Variants in STXBP5L observed in about 807,000 individuals in gnomAD.
STXBP5L encodes the protein syntaxin-binding protein 5-like.
Under a neutral mutation model 144.5 loss-of-function variants are expected in STXBP5L, and 65 were observed. That is an observed-to-expected ratio of 0.45 (90% CI 0.37 to 0.55). The LOEUF (loss-of-function observed/expected upper bound fraction) is 0.55. STXBP5L is among the 20% of genes least tolerant of loss of function. The probability of loss-of-function intolerance (pLI) is 0.00; values close to 1 mark genes in which losing one functional copy is unlikely to be tolerated. For missense variants in STXBP5L, 1,298 were observed against 1,405.5 expected (o/e 0.92, Z 1.22); for synonymous variants, 505 against 469.6 (o/e 1.08, Z -0.97).
chr3:121,374,885 G>T (rs2046137321), intron 20 of STXBP5L, among the ~76,000 whole-genome samples: 1 of 151,970 alleles, frequency 6.6e-6, no homozygotes, highest in Non-Finnish European at 1.5e-5. Flanking sequence ...AATTTTAGAA[G>T]TTGCAGAAAG....
chr3:120,959,883 ACAAAAG>A (rs1481002326), intron 3 of STXBP5L, among the ~76,000 whole-genome samples: 2 of 152,208 alleles, frequency 1.3e-5, no homozygotes, highest in Admixed American at 6.5e-5. Context: ...AGCAATGGCA[ACAAAAG>A]CCAAAATTGA....
At chr3:121,198,659 G>A (rs934181954) in intron 9 of STXBP5L, among the ~76,000 whole-genome samples, 4 of 152,138 alleles carry the variant, frequency 2.6e-5, no homozygotes, top group Admixed American at 6.6e-5. Context: ...GCTAATTTTT[G>A]TATAAGGTGT....
At chr3:121,279,997 C>A in intron 19 of STXBP5L, 41 bp downstream of exon 19, 2 of 1,585,626 alleles carry the variant, frequency 1.3e-6, no homozygotes, top group South Asian at 2.3e-5. Flanking sequence ...TTGATTTGGT[C>A]ATCTGTGTTC....
At chr3:121,151,126 A>G (rs552585668) in intron 7 of STXBP5L, among the ~76,000 whole-genome samples, 28 of 152,002 alleles carry the variant, frequency 1.8e-4, no homozygotes, top group Non-Finnish European at 3.8e-4. Context: ...AATTGGTTTC[A>G]TCGTTCATCA....
chr3:121,018,036 G>A (rs9833950), intron 3 of STXBP5L, among the ~76,000 whole-genome samples: 15,101 of 152,136 alleles, frequency 0.099, 1,183 homozygotes, highest in Admixed American at 0.2. Context: ...CCACGATCAC[G>A]CCACTGCACT....
chr3:120,983,817 C>G (rs1266139236), intron 3 of STXBP5L, among the ~76,000 whole-genome samples: 1 of 152,166 alleles, frequency 6.6e-6, no homozygotes, highest in African/African-American at 2.4e-5. Context: ...CTTGTCACTT[C>G]TCTGTTGAAT....
Position 121,424,216 on chromosome 3 carries a change from A to C in STXBP5L, c.*5119A>C, listed in dbSNP as rs529348753. On this transcript the variant is annotated 3_prime_UTR_variant, in exon 27 of 27. Coordinates refer to ENST00000471454, the MANE Select transcript of STXBP5L (RefSeq NM_001308330.2). ...GACTTGGTCTTAGCAAAAAGGAAGA[A>C]CAAATCTTCCTTTTTGATTGTTATC... 1 of 152,310 alleles carries C rather than the reference A, an allele frequency of 6.6e-6. No individual in the cohort carries two copies. The highest frequency in any genetic ancestry group is 1.5e-5 in the Non-Finnish European group (1 of 68,022). 9.4% of individuals were successfully genotyped at this position (152,310 alleles called of 1,614,324 possible). A position where few individuals can be genotyped will look rare whatever the true frequency, so the allele number is the denominator to read the frequency against.
chr3:120,957,463 T>G (rs1474597560), intron 3 of STXBP5L, among the ~76,000 whole-genome samples: 1 of 152,032 alleles, frequency 6.6e-6, no homozygotes, highest in Non-Finnish European at 1.5e-5. Context: ...TTGTTGAGGA[T>G]TTTTGCATCT....
At chr3:121,103,653 AT>A (rs2043546294) in intron 5 of STXBP5L, among the ~76,000 whole-genome samples, 1 of 152,180 alleles carries the variant, frequency 6.6e-6, no homozygotes, top group Non-Finnish European at 1.5e-5. Flanking sequence ...AGTTGAAATT[AT>A]TTTTAAAAAC....
At chr3:120,999,934 G>A (rs976908045) in intron 3 of STXBP5L, among the ~76,000 whole-genome samples, 1 of 151,950 alleles carries the variant, frequency 6.6e-6, no homozygotes, top group South Asian at 2.1e-4. Context: ...TTGAATATAG[G>A]CCCCCAGTCT....
chr3:121,386,519 A>G (rs1403261304), intron 22 of STXBP5L, among the ~76,000 whole-genome samples: 1 of 152,134 alleles, frequency 6.6e-6, no homozygotes, highest in African/African-American at 2.4e-5. Flanking sequence ...CATCATTTAC[A>G]TTAGGTATTT....
intron 3 of STXBP5L, among the ~76,000 whole-genome samples, chr3:120,978,958 G>A (rs1411061255): frequency 2.0e-5 from 3 of 152,252 alleles, no homozygotes; most frequent in East Asian, 3.9e-4. Flanking sequence ...GCCCTTACTG[G>A]GGGGTGCCTC....
At chr3:121,078,314 G>T (rs953819364) in intron 5 of STXBP5L, among the ~76,000 whole-genome samples, 2 of 142,494 alleles carry the variant, frequency 1.4e-5, no homozygotes, top group Admixed American at 1.4e-4. Context: ...GTCGATTGAT[G>T]CATTCACAAA....
At chr3:121,180,982 G>A (rs2047124043) in intron 9 of STXBP5L, among the ~76,000 whole-genome samples, 1 of 150,936 alleles carries the variant, frequency 6.6e-6, no homozygotes, top group Non-Finnish European at 1.5e-5. Flanking sequence ...GAAGGGGAGG[G>A]GAGAAGGAAA....
chr3:121,304,687 CA>C (rs1354778422), intron 19 of STXBP5L, among the ~76,000 whole-genome samples: 2 of 151,808 alleles, frequency 1.3e-5, no homozygotes, highest in Non-Finnish European at 1.5e-5. Flanking sequence ...CACAACATAT[CA>C]AAATTTATGA....
intron 9 of STXBP5L, among the ~76,000 whole-genome samples, chr3:121,202,861 A>G (rs1346094103): frequency 2.0e-5 from 3 of 151,898 alleles, no homozygotes; most frequent in South Asian, 4.1e-4. Flanking sequence ...GTTTCTGAGT[A>G]GAGATTTCTT....
intron 3 of STXBP5L, among the ~76,000 whole-genome samples, chr3:120,965,739 TGA>T (rs1939488237): frequency 1.3e-5 from 2 of 152,232 alleles, no homozygotes; most frequent in Admixed American, 1.3e-4. Flanking sequence ...TTGTTGAATC[TGA>T]CAGTTATGTG....
At chr3:120,998,862 G>T (rs9860535) in intron 3 of STXBP5L, among the ~76,000 whole-genome samples, 1 of 152,026 alleles carries the variant, frequency 6.6e-6, no homozygotes, top group Admixed American at 6.6e-5. Flanking sequence ...TGAATGAAGT[G>T]AGAGCTGACA....
At chr3:121,289,581 C>A (rs2108460572) in intron 19 of STXBP5L, among the ~76,000 whole-genome samples, 1 of 152,262 alleles carries the variant, frequency 6.6e-6, no homozygotes, top group Admixed American at 6.5e-5. Flanking sequence ...ACATTCTACC[C>A]AACAACTGCA....
Sources: gnomAD v4.1 joint callset for allele counts (sites outside exome capture counted in the v4.1 genomes callset) on GRCh38, gnomAD v4.1.1 for gene constraint, MANE v1.5 for transcripts, NCBI Gene and HGNC (gene_info 2026-07-23, HGNC 2026-07-21) for gene names.